The following KPNA4 variants were observed in gnomAD, a reference collection of about 807,000 sequenced individuals.
KPNA4 encodes importin subunit alpha-3.
KPNA4 carries 13 observed loss-of-function variants against 71.3 expected under a neutral mutation model. The ratio of observed to expected loss-of-function variants is 0.18; its 90% confidence interval spans 0.12 to 0.29. The LOEUF is 0.29. Ranked by LOEUF, KPNA4 falls within the 10% of genes least tolerant of loss-of-function variation. The pLI is 1.00. For missense variants in KPNA4, 334 were observed against 603.2 expected (o/e 0.55, Z 4.67); for synonymous variants, 189 against 195.2 (o/e 0.97, Z 0.26).
At chr3:160,504,778 G>A (rs1196669669) in intron 16 of KPNA4, among the ~76,000 whole-genome samples, 180 bp downstream of exon 16, 1 of 152,170 alleles carries the variant, frequency 6.6e-6, no homozygotes, top group Non-Finnish European at 1.5e-5. Flanking sequence ...AATATGCCCT[G>A]AAGGGATCTT....
At chr3:160,533,284 C>T (rs1721609276) in intron 5 of KPNA4, among the ~76,000 whole-genome samples, 1 of 152,152 alleles carries the variant, frequency 6.6e-6, no homozygotes, top group South Asian at 2.1e-4. Flanking sequence ...CTCGGCGTCC[C>T]AAACTGCTGG....
intron 11 of KPNA4, among the ~76,000 whole-genome samples, chr3:160,518,337 G>T (rs1293063368): frequency 1.3e-5 from 2 of 149,714 alleles, no homozygotes; most frequent in African/African-American, 2.4e-5. Context: ...GGGTTTCACC[G>T]TGTTAGCCAG....
Position 160,498,019 on chromosome 3 carries a change from G to T in KPNA4, c.*4085C>A, listed in dbSNP as rs138001296. ...TTTGCATTGGTTCACAAATTTAAATGAATTTAGATTACCTTTAGAATAGTA... is the reference window on the plus strand; with the variant it reads ...TTTGCATTGGTTCACAAATTTAAATTAATTTAGATTACCTTTAGAATAGTA... On this transcript the variant is annotated 3_prime_UTR_variant, in exon 17 of 17. Coordinates refer to ENST00000334256, the MANE Select transcript of KPNA4 (RefSeq NM_002268.5). 2.6e-5 allele frequency: 4 copies of T among 152,094 alleles called. No homozygotes were observed. The highest frequency in any genetic ancestry group is 9.7e-5 in the African/African-American group (4 of 41,406). 9.4% of individuals were successfully genotyped at this position (152,094 alleles called of 1,614,324 possible). A position where few individuals can be genotyped will look rare whatever the true frequency, so the allele number is the denominator to read the frequency against.
intron 7 of KPNA4, 30 bp downstream of exon 7, chr3:160,530,825 C>G: frequency 6.8e-7 from 1 of 1,478,412 alleles, no homozygotes; most frequent in Non-Finnish European, 9.3e-7. Flanking sequence ...TAAAAAAAAT[C>G]ACAATTATGT....
chr3:160,563,835 C>T (rs1722289645), intron 1 of KPNA4, among the ~76,000 whole-genome samples: 1 of 151,992 alleles, frequency 6.6e-6, no homozygotes, highest in African/African-American at 2.4e-5. Context: ...AAAGGGATCA[C>T]AATGGTAATA....
intron 1 of KPNA4, among the ~76,000 whole-genome samples, chr3:160,562,337 C>T (rs1024357437): frequency 6.6e-6 from 1 of 152,166 alleles, no homozygotes; most frequent in Non-Finnish European, 1.5e-5. Flanking sequence ...AAGTTAAATT[C>T]ACTGGTCCAT....
rs987239652 is a variant in KPNA4 at position 160,543,657 on chromosome 3, T to C, written c.70-6817A>G. Among the ~76,000 whole-genome samples the C allele has an allele frequency of 2.6e-5, 4 of 152,100 alleles. 1 individual carries two copies. The highest frequency in any genetic ancestry group is 1.3e-4 in the Admixed American group (2 of 15,276). On this transcript the variant is annotated intron_variant, in intron 1 of 16. Transcript: ENST00000334256. Reference sequence around the variant, plus strand: ...CAATTTTTTCAACTTTAGAAAACAATGTCAAAAAATATGTAATTGTCATTT... The same window carrying C: ...CAATTTTTTCAACTTTAGAAAACAACGTCAAAAAATATGTAATTGTCATTT...
At chr3:160,549,967 C>G (rs967250650) in intron 1 of KPNA4, among the ~76,000 whole-genome samples, 1 of 152,074 alleles carries the variant, frequency 6.6e-6, no homozygotes, top group Non-Finnish European at 1.5e-5. Context: ...TAGGTTTATT[C>G]CTAAGTATTT....
At chr3:160,504,093 A>C (rs1391417067) in intron 16 of KPNA4, among the ~76,000 whole-genome samples, 1 of 152,214 alleles carries the variant, frequency 6.6e-6, no homozygotes, top group Non-Finnish European at 1.5e-5. Flanking sequence ...GAAAGAAAAA[A>C]AACTTTTCTT....
chr3:160,564,834 G>C (rs1001311603), intron 1 of KPNA4, among the ~76,000 whole-genome samples: 14 of 151,394 alleles, frequency 9.2e-5, no homozygotes, highest in Admixed American at 5.3e-4. Flanking sequence ...GCGAGAGCCG[G>C]AATCTCCGCC....
chr3:160,535,962 T>G, intron 2 of KPNA4, 65 bp from the exon 3 acceptor site: 3 of 1,061,958 alleles, frequency 2.8e-6, no homozygotes, highest in Non-Finnish European at 3.6e-6. Flanking sequence ...AAAACCTGAA[T>G]ACTTTCATAC....
chr3:160,552,939 G>A (rs1722070058), intron 1 of KPNA4, among the ~76,000 whole-genome samples: 1 of 152,154 alleles, frequency 6.6e-6, no homozygotes, highest in Non-Finnish European at 1.5e-5. Context: ...GAAGCTAAAT[G>A]TGGTCAGAAG....
chr3:160,519,801 CAAAAAAAAA>C (rs558355699), intron 11 of KPNA4, among the ~76,000 whole-genome samples: 5 of 83,692 alleles, frequency 6.0e-5, no homozygotes, highest in South Asian at 4.3e-4. Flanking sequence ...GACTCCGTCT[CAAAAAAAAA>C]AAAAAAAAAA....
At chr3:160,530,134 CA>C (rs746257397) in intron 7 of KPNA4, among the ~76,000 whole-genome samples, 2,613 of 38,442 alleles carry the variant, frequency 0.068, 11 homozygotes, top group African/African-American at 0.11. Context: ...GACTCCATCT[CA>C]AAAAAAAAAA....
intron 13 of KPNA4, among the ~76,000 whole-genome samples, chr3:160,510,709 A>G (rs1046134977): frequency 7.2e-5 from 11 of 152,180 alleles, no homozygotes; most frequent in African/African-American, 2.7e-4. Flanking sequence ...TAGCCCTATA[A>G]TAGCAAAATT....
At chr3:160,551,554 T>C (rs1185179183) in intron 1 of KPNA4, among the ~76,000 whole-genome samples, 2 of 152,120 alleles carry the variant, frequency 1.3e-5, no homozygotes, top group Non-Finnish European at 2.9e-5. Flanking sequence ...CAGAACTGAA[T>C]GTTAAATGTG....
chr3:160,554,477 T>A (rs751824786), intron 1 of KPNA4, among the ~76,000 whole-genome samples: 1 of 152,190 alleles, frequency 6.6e-6, no homozygotes, highest in Non-Finnish European at 1.5e-5. Flanking sequence ...TTGGTCTTCA[T>A]CCCATTTCCA....
At chr3:160,530,425 G>A (rs189436789) in intron 7 of KPNA4, among the ~76,000 whole-genome samples, 28 of 152,248 alleles carry the variant, frequency 1.8e-4, no homozygotes, top group African/African-American at 5.5e-4. Context: ...GCTACAGTGA[G>A]CTGAGATTGT....
At chr3:160,509,538 T>C (rs1721051920) in intron 14 of KPNA4, among the ~76,000 whole-genome samples, 1 of 152,208 alleles carries the variant, frequency 6.6e-6, no homozygotes, top group Non-Finnish European at 1.5e-5. Flanking sequence ...GTGATACTTC[T>C]ATGTGACAAA....
Sources: gnomAD v4.1 joint callset for allele counts (sites outside exome capture counted in the v4.1 genomes callset) on GRCh38, gnomAD v4.1.1 for gene constraint, MANE v1.5 for transcripts, NCBI Gene and HGNC (gene_info 2026-07-23, HGNC 2026-07-21) for gene names.